Variants in SPON1 observed in about 807,000 individuals in gnomAD.
SPON1 encodes the protein spondin 1.
SPON1 carries 52 observed loss-of-function variants against 111.7 expected under a neutral mutation model. The ratio of observed to expected loss-of-function variants is 0.47; its 90% CI spans 0.37 to 0.59. The LOEUF (loss-of-function observed/expected upper bound fraction) is 0.59, where lower values mean the gene tolerates loss of function less well. SPON1 is among the 20% of genes least tolerant of loss of function. SPON1 has a pLI of 0.00. For synonymous variants in SPON1, 410 were observed against 395.8 expected (o/e 1.04, Z -0.43); for missense variants, 957 against 1,068.5 (o/e 0.90, Z 1.46).
intron 2 of SPON1, among the ~76,000 whole-genome samples, chr11:13,994,527 A>G (rs1455076869): frequency 6.6e-6 from 1 of 152,210 alleles, no homozygotes; most frequent in Non-Finnish European, 1.5e-5. Flanking sequence ...GTGAAGGGAA[A>G]CAGACATATG....
At chr11:14,206,128 T>G (rs1554936151) in intron 6 of SPON1, among the ~76,000 whole-genome samples, 2 of 152,216 alleles carry the variant, frequency 1.3e-5, no homozygotes, top group Non-Finnish European at 2.9e-5. Flanking sequence ...ATATTCTGTT[T>G]TCTTCACTTA....
At chr11:14,175,597 T>C (rs1339884566) in intron 6 of SPON1, among the ~76,000 whole-genome samples, 1 of 152,212 alleles carries the variant, frequency 6.6e-6, no homozygotes, top group East Asian at 1.9e-4. Context: ...TCCTTTTTTC[T>C]ATTAATCAAA....
intron 5 of SPON1, among the ~76,000 whole-genome samples, chr11:14,081,864 G>T (rs967046589): frequency 6.6e-5 from 10 of 152,088 alleles, no homozygotes; most frequent in Admixed American, 5.9e-4. Context: ...CAAATCAAGA[G>T]CTCTATTGTT....
intron 6 of SPON1, among the ~76,000 whole-genome samples, chr11:14,159,212 GT>G (rs1554930675): frequency 6.6e-6 from 1 of 151,942 alleles, no homozygotes. Context: ...TGTTTTTTGA[GT>G]TATTAGATGT....
intron 3 of SPON1, among the ~76,000 whole-genome samples, chr11:14,059,450 G>A (rs1021827438): frequency 9.9e-5 from 15 of 152,068 alleles, no homozygotes; most frequent in East Asian, 3.9e-4. Flanking sequence ...TTCCACCACC[G>A]TAGACCCCCC....
intron 7 of SPON1, 37 bp downstream of exon 7, chr11:14,243,433 C>A (rs2303974): frequency 0.3 from 466,584 of 1,544,110 alleles, 73,476 homozygotes; most frequent in East Asian, 0.51. Context: ...CCTGTCTTAT[C>A]CTAGCCCCTT....
At position 14,113,126 on chromosome 11, in the gene SPON1, A is replaced by G. The variant is rs113758493; in HGVS notation, c.677-22294A>G. Among the ~76,000 whole-genome samples, 1,104 of 152,316 alleles carry G rather than the reference A, an allele frequency of 7.2e-3. 10 individuals carry two copies. The highest frequency in any genetic ancestry group is 0.025 in the African/African-American group (1,059 of 41,564). On this transcript the variant is annotated intron_variant, in intron 5 of 15. Transcript: ENST00000576479. Reference sequence around the variant, plus strand: ...AAGCCAGACCTTATAAAGCCAAAGGAATTCCTGTTGCCCCCTTACTGCAAT... The same window carrying G: ...AAGCCAGACCTTATAAAGCCAAAGGGATTCCTGTTGCCCCCTTACTGCAAT...
intron 6 of SPON1, among the ~76,000 whole-genome samples, chr11:14,143,605 T>C (rs1474631012): frequency 6.6e-6 from 1 of 150,558 alleles, no homozygotes; most frequent in African/African-American, 2.4e-5. Context: ...AGAAGATAAA[T>C]TTATATTTCA....
chr11:14,059,004 A>G (rs1352540907), intron 3 of SPON1, among the ~76,000 whole-genome samples: 1 of 152,180 alleles, frequency 6.6e-6, no homozygotes, highest in East Asian at 1.9e-4. Context: ...GAGGGCCTCA[A>G]TAGTTCTATA....
intron 5 of SPON1, among the ~76,000 whole-genome samples, chr11:14,102,294 T>TA (rs1380603142): frequency 2.0e-5 from 3 of 152,178 alleles, no homozygotes; most frequent in Non-Finnish European, 2.9e-5. Context: ...ATAGCCATAT[T>TA]AAAAAAATTA....
rs1179868402 is a variant in SPON1, at chr11:14,160,559, T to TTA, written c.825+25001_825+25002dup. On this transcript the variant is annotated intron_variant, in intron 6 of 15. Transcript: ENST00000576479. ...TTTATATATATATTTATATATATATTTATATATATATTTATATATATATTT... is the reference window on the plus strand; with the variant it reads ...TTTATATATATATTTATATATATATTTATATATATATATTTATATATATATTT... Among the ~76,000 whole-genome samples, 150 of 24,166 alleles carry TTA rather than the reference T, an allele frequency of 6.2e-3. 23 individuals carry two copies. Among genetic ancestry groups the TTA allele is most frequent in the Non-Finnish European group, 8.1e-3 (128 of 15,712 alleles). 15.9% of individuals were successfully genotyped at this position (24,166 alleles called of 152,430 possible).
chr11:14,127,271 C>A (rs1210709269), intron 5 of SPON1, among the ~76,000 whole-genome samples: 1 of 139,120 alleles, frequency 7.2e-6, no homozygotes, highest in African/African-American at 2.7e-5. Context: ...GTTTCAGAAC[C>A]AAGACTAGAA....
chr11:14,092,721 G>A (rs1554923534), intron 5 of SPON1, among the ~76,000 whole-genome samples: 4 of 151,982 alleles, frequency 2.6e-5, no homozygotes, highest in African/African-American at 9.7e-5. Flanking sequence ...CTTGTCATCT[G>A]GAAATAGTGA....
At chr11:14,258,708 C>T (rs1401395903) in intron 11 of SPON1, among the ~76,000 whole-genome samples, 3 of 152,218 alleles carry the variant, frequency 2.0e-5, no homozygotes, top group African/African-American at 7.2e-5. Context: ...ACACCTCTCC[C>T]AGTGTTGCAC....
At chr11:14,054,577 T>C (rs1240717214) in intron 3 of SPON1, among the ~76,000 whole-genome samples, 4 of 151,700 alleles carry the variant, frequency 2.6e-5, no homozygotes, top group South Asian at 2.1e-4. Context: ...TTTTTTTTTT[T>C]CCTCCTAAAG....
chr11:14,034,374 G>C (rs543920965), intron 2 of SPON1, among the ~76,000 whole-genome samples: 23 of 152,314 alleles, frequency 1.5e-4, no homozygotes, highest in African/African-American at 5.3e-4. Context: ...AGGATTCTGA[G>C]ACCCACTCTA....
At chr11:14,159,370 A>G (rs1847884562) in intron 6 of SPON1, among the ~76,000 whole-genome samples, 1 of 151,898 alleles carries the variant, frequency 6.6e-6, no homozygotes, top group Non-Finnish European at 1.5e-5. Flanking sequence ...TATCTAAAAG[A>G]CAGGCAATAA....
Position 13,977,822 on chromosome 11 carries a change from A to G in SPON1, c.239-5025A>G, listed in dbSNP as rs114566122. On this transcript the variant is annotated intron_variant, in intron 1 of 15. Transcript: ENST00000576479. ...TGTTTTGCTTTTCACATTTAGCTGT[A>G]CAATCTATGTGGAATTTACTCTGTG... Among the ~76,000 whole-genome samples the G allele has an allele frequency of 7.1e-3, 1,079 of 152,258 alleles. 17 individuals carry two copies. Among genetic ancestry groups the G allele is most frequent in the African/African-American group, 0.025 (1,022 of 41,534 alleles).
At chr11:14,095,220 G>A (rs782093122) in intron 5 of SPON1, among the ~76,000 whole-genome samples, 1 of 152,142 alleles carries the variant, frequency 6.6e-6, no homozygotes, top group African/African-American at 2.4e-5. Flanking sequence ...TGTTTAGCTT[G>A]TCTAGTTTTT....
Sources: allele counts gnomAD v4.1 joint callset (sites outside exome capture counted in the v4.1 genomes callset), GRCh38; gene constraint gnomAD v4.1.1; transcripts MANE v1.5; gene names NCBI Gene and HGNC (gene_info 2026-07-23, HGNC 2026-07-21).